PPP3CA: variants seen among roughly 807,000 people sequenced by gnomAD.
PPP3CA encodes protein phosphatase 3 catalytic subunit alpha, also known as CAM-PRP catalytic subunit.
In PPP3CA, 14 loss-of-function variants were observed where a neutral mutation model predicts 66.5. The ratio of observed to expected loss-of-function variants is 0.21; its 90% CI spans 0.14 to 0.33. The LOEUF is 0.33. Ranked by LOEUF, PPP3CA falls within the 10% of genes least tolerant of loss-of-function variation. PPP3CA has a pLI of 1.00. For missense variants in PPP3CA, 317 were observed against 639.5 expected, an observed-to-expected ratio of 0.50 and a Z score of 5.44; for synonymous variants, 232 against 226.2, an observed-to-expected ratio of 1.03 and a Z score of -0.23.
rs561090300 is a variant in PPP3CA, at chr4:101,068,205, T to G, written c.956-4848A>C. ...GAAACAAAGATGAGAAGAAACCGAA[T>G]GGGGGCATTCCAGAATCATAATCCA... On this transcript the variant is annotated intron_variant, in intron 8 of 13. Coordinates refer to ENST00000394854, the MANE Select transcript of PPP3CA (RefSeq NM_000944.5). 1.3e-5 allele frequency among the ~76,000 whole-genome samples: 2 copies of G among 152,234 alleles called. 1 individual carries two copies. The highest frequency in any genetic ancestry group is 4.1e-4 in the South Asian group (2 of 4,824).
chr4:101,281,865 T>C (rs9998913), intron 1 of PPP3CA, among the ~76,000 whole-genome samples: 5,990 of 152,258 alleles, frequency 0.039, 374 homozygotes, highest in African/African-American at 0.13. Flanking sequence ...ACTTGCTAGT[T>C]ATTGAGGGTC....
intron 1 of PPP3CA, among the ~76,000 whole-genome samples, chr4:101,239,815 G>C (rs1726243321): frequency 1.3e-5 from 2 of 151,866 alleles, no homozygotes; most frequent in South Asian, 4.1e-4. Flanking sequence ...TACTCCTTTA[G>C]GTTCTCAATT....
intron 1 of PPP3CA, among the ~76,000 whole-genome samples, chr4:101,265,061 A>AC (rs1727128042): frequency 6.6e-6 from 1 of 152,202 alleles, no homozygotes; most frequent in Non-Finnish European, 1.5e-5. Flanking sequence ...CACTATATCC[A>AC]TAAGAATTTG....
At chr4:101,213,737 G>A (rs1344759058) in intron 1 of PPP3CA, among the ~76,000 whole-genome samples, 1 of 152,046 alleles carries the variant, frequency 6.6e-6, no homozygotes, top group Non-Finnish European at 1.5e-5. Flanking sequence ...ACATTAAATG[G>A]TAAAAATAAC....
rs58155946 is a variant in PPP3CA at position 101,131,192 on chromosome 4, C to T, written c.260-22114G>A. ...TGGAGGTTGTAGTGAACCAAGATCGCGCCATTGTACTCCAGGCTGGGTGAC... is the reference window on the plus strand; with the variant it reads ...TGGAGGTTGTAGTGAACCAAGATCGTGCCATTGTACTCCAGGCTGGGTGAC... On this transcript the variant is annotated intron_variant, in intron 2 of 13. Transcript: ENST00000394854. Among the ~76,000 whole-genome samples, 988 of 151,346 alleles carry T rather than the reference C, an allele frequency of 6.5e-3. 14 individuals are homozygous for T. Among genetic ancestry groups the T allele is most frequent in the African/African-American group, 0.021 (880 of 41,082 alleles).
In PPP3CA at chr4:101,080,551, T is replaced by C; in HGVS notation, c.936A>G (p.Leu312=). 6.6e-7 allele frequency: 1 copy of C among 1,520,136 alleles called. No individual in the cohort carries two copies. The highest frequency in any genetic ancestry group is 8.9e-7 in the Non-Finnish European group (1 of 1,118,706). 94.2% of individuals were successfully genotyped at this position (1,520,136 alleles called of 1,614,324 possible). A position where few individuals can be genotyped will look rare whatever the true frequency, so the allele number is the denominator to read the frequency against. ...ACTTACCTTTGTTATTGTATACATC[T>C]AAGTAATTTGGTGCTGAAAAAATTG... ...LITIFSAPNY[L]DVYNNKAAVL... is the part of the protein sequence containing the mutation. The change falls in exon 8 of 14, where the codon TTA becomes TTG. Residue 312 remains leucine (L), a synonymous_variant. Coordinates refer to ENST00000394854, the MANE Select transcript of PPP3CA (RefSeq NM_000944.5).
At position 101,347,038 on chromosome 4, in the gene PPP3CA, C is replaced by T. The variant is rs966087932; in HGVS notation, c.-242G>A. On this transcript the variant is annotated 5_prime_UTR_variant, in exon 1 of 14. Coordinates refer to ENST00000394854, the MANE Select transcript of PPP3CA (RefSeq NM_000944.5). Reference sequence around the variant, plus strand: ...TGCCGCCAGCCCCGCCGACTCGCTCCGGGCTGCGCGTGTGTGGTGGTTATT... The same window carrying T: ...TGCCGCCAGCCCCGCCGACTCGCTCTGGGCTGCGCGTGTGTGGTGGTTATT... The T allele has an allele frequency of 1.4e-5, 8 of 586,784 alleles. No homozygotes were observed. Among genetic ancestry groups the T allele is most frequent in the African/African-American group, 2.0e-5 (1 of 50,036 alleles). The allele number at this position is 586,784 out of a possible 1,614,324, so 36.3% of individuals were successfully genotyped here.
intron 3 of PPP3CA, among the ~76,000 whole-genome samples, chr4:101,104,459 T>TC (rs1730571537): frequency 6.6e-6 from 1 of 151,962 alleles, no homozygotes; most frequent in African/African-American, 2.4e-5. Flanking sequence ...TACTGATTTT[T>TC]TTTTTTCGTG....
intron 2 of PPP3CA, among the ~76,000 whole-genome samples, chr4:101,174,240 T>G (rs954851955): frequency 2.0e-5 from 3 of 152,294 alleles, no homozygotes; most frequent in African/African-American, 7.2e-5. Context: ...ATCAATAAGA[T>G]TGTCTCCTTC....
chr4:101,274,170 G>A (rs79734367), intron 1 of PPP3CA, among the ~76,000 whole-genome samples: 9,356 of 152,194 alleles, frequency 0.061, 908 homozygotes, highest in African/African-American at 0.21. Flanking sequence ...CGGACATGAT[G>A]GCGGGTGCCT....
intron 2 of PPP3CA, among the ~76,000 whole-genome samples, chr4:101,174,008 C>T (rs903306729): frequency 3.3e-5 from 5 of 151,998 alleles, no homozygotes; most frequent in Admixed American, 1.3e-4. Context: ...GCTATGACTA[C>T]ACCACTGAAC....
chr4:101,100,603 C>T (rs1730401795), intron 3 of PPP3CA, among the ~76,000 whole-genome samples: 1 of 152,148 alleles, frequency 6.6e-6, no homozygotes, highest in Admixed American at 6.6e-5. Flanking sequence ...CAAGTATTAA[C>T]ATCAGTAATT....
At chr4:101,228,647 A>T (rs1397135708) in intron 1 of PPP3CA, among the ~76,000 whole-genome samples, 1 of 151,634 alleles carries the variant, frequency 6.6e-6, no homozygotes, top group Non-Finnish European at 1.5e-5. Context: ...CAAAAAAATA[A>T]TTTTTGTGGA....
chr4:101,281,309 A>G (rs1390254571), intron 1 of PPP3CA, among the ~76,000 whole-genome samples: 1 of 152,204 alleles, frequency 6.6e-6, no homozygotes, highest in Non-Finnish European at 1.5e-5. Flanking sequence ...GGATAAGAAC[A>G]TGGGCTCAGG....
chr4:101,287,769 T>C (rs1251513637), intron 1 of PPP3CA, among the ~76,000 whole-genome samples: 12 of 148,788 alleles, frequency 8.1e-5, no homozygotes, highest in Admixed American at 2.7e-4. Flanking sequence ...AACCTCTCTT[T>C]TTTTTTTTTT....
At chr4:101,290,642 G>C (rs939887760) in intron 1 of PPP3CA, among the ~76,000 whole-genome samples, 3 of 152,144 alleles carry the variant, frequency 2.0e-5, no homozygotes, top group Non-Finnish European at 2.9e-5. Flanking sequence ...ATTCCAACAA[G>C]GAGAGACAGA....
intron 10 of PPP3CA, among the ~76,000 whole-genome samples, chr4:101,048,070 T>C (rs1727846461): frequency 6.6e-6 from 1 of 152,102 alleles, no homozygotes. Flanking sequence ...AATGTCTCTT[T>C]TTGTGTGTGC....
At chr4:101,283,062 G>A (rs1467878408) in intron 1 of PPP3CA, among the ~76,000 whole-genome samples, 1 of 152,132 alleles carries the variant, frequency 6.6e-6, no homozygotes, top group Non-Finnish European at 1.5e-5. Context: ...TTTTAAAAAT[G>A]TAAAACAAAA....
chr4:101,244,034 C>G (rs1379854797), intron 1 of PPP3CA, among the ~76,000 whole-genome samples: 1 of 152,168 alleles, frequency 6.6e-6, no homozygotes, highest in Non-Finnish European at 1.5e-5. Flanking sequence ...CAACTGGGAT[C>G]ATAGTCTCTA....
Sources: allele counts gnomAD v4.1 joint callset (sites outside exome capture counted in the v4.1 genomes callset), GRCh38; gene constraint gnomAD v4.1.1; transcripts MANE v1.5; gene names NCBI Gene and HGNC (gene_info 2026-07-23, HGNC 2026-07-21).